The following INPP4B variants were observed in gnomAD, a reference collection of about 807,000 sequenced individuals.
INPP4B encodes inositol polyphosphate-4-phosphatase type II B, also known as inositol polyphosphate 4-phosphatase type II.
INPP4B carries 55 observed loss-of-function variants against 122.5 expected under a neutral mutation model. The observed-to-expected ratio is 0.45, with a 90% CI of 0.36 to 0.56. The LOEUF is 0.56. INPP4B is among the 20% of genes least tolerant of loss of function. The pLI, the probability that INPP4B is intolerant of heterozygous loss-of-function variation, is 0.00. For synonymous variants in INPP4B, 403 were observed against 388.7 expected (o/e 1.04, Z -0.43); for missense variants, 1,000 against 1,097.7 (o/e 0.91, Z 1.26).
intron 9 of INPP4B, among the ~76,000 whole-genome samples, chr4:142,303,801 T>G (rs1468030471): frequency 6.6e-6 from 1 of 152,128 alleles, no homozygotes; most frequent in Non-Finnish European, 1.5e-5. Context: ...AAATCAAAAG[T>G]GAAGAAATTT....
intron 1 of INPP4B, among the ~76,000 whole-genome samples, chr4:142,801,717 T>C (rs1778025079): frequency 1.3e-5 from 2 of 152,172 alleles, no homozygotes; most frequent in Admixed American, 6.5e-5. Context: ...GTGATGGATA[T>C]AGGTTATAAT....
chr4:142,512,603 T>C (rs1280251805), intron 2 of INPP4B, among the ~76,000 whole-genome samples: 1 of 152,180 alleles, frequency 6.6e-6, no homozygotes, highest in Non-Finnish European at 1.5e-5. Flanking sequence ...GATTCTTATA[T>C]CCCCACCTCC....
At position 142,444,915 on chromosome 4, in the gene INPP4B, C is replaced by T. The variant is rs114980397; in HGVS notation, c.-126-13530G>A. Among the ~76,000 whole-genome samples, 841 of 152,120 alleles carry T rather than the reference C, an allele frequency of 5.5e-3. 6 individuals are homozygous for T. Among genetic ancestry groups the T allele is most frequent in the Admixed American group, 0.012 (177 of 15,262 alleles). ...ATCATTCTCAGCAAACACACAGCCA[C>T]GAAAAACCAAACACCACATGTTCTC... is the stretch of plus-strand genomic sequence containing the variant. On this transcript the variant is annotated intron_variant, in intron 3 of 25. Transcript: ENST00000262992.
chr4:142,685,291 G>C (rs926298740), intron 2 of INPP4B, among the ~76,000 whole-genome samples: 2 of 148,152 alleles, frequency 1.3e-5, no homozygotes, highest in African/African-American at 4.8e-5. Context: ...CCATTTTATA[G>C]ATCCTCGTTG....
At chr4:142,797,692 AT>A (rs1394892532) in intron 1 of INPP4B, among the ~76,000 whole-genome samples, 5 of 152,028 alleles carry the variant, frequency 3.3e-5, no homozygotes, top group African/African-American at 1.2e-4. Context: ...ACAAAAAAAA[AT>A]GGCAATCATT....
intron 12 of INPP4B, among the ~76,000 whole-genome samples, chr4:142,229,572 GA>G (rs1853238976): frequency 6.6e-6 from 1 of 152,112 alleles, no homozygotes; most frequent in Admixed American, 6.5e-5. Context: ...CGGAAGTCCT[GA>G]AAATGCCAAT....
At chr4:142,270,969 T>C (rs141369424) in intron 9 of INPP4B, among the ~76,000 whole-genome samples, 195 bp from the exon 10 acceptor site, 32 of 152,106 alleles carry the variant, frequency 2.1e-4, no homozygotes, top group African/African-American at 7.2e-4. Flanking sequence ...GTTTTCTTTT[T>C]TCTTTTTTTT....
At chr4:142,684,582 A>G (rs1759088004) in intron 2 of INPP4B, among the ~76,000 whole-genome samples, 2 of 152,034 alleles carry the variant, frequency 1.3e-5, no homozygotes, top group African/African-American at 2.4e-5. Context: ...AAACTGAGAA[A>G]GGTCTGAGAA....
intron 5 of INPP4B, among the ~76,000 whole-genome samples, chr4:142,410,023 A>C (rs140349695): frequency 6.6e-6 from 1 of 152,194 alleles, no homozygotes; most frequent in Non-Finnish European, 1.5e-5. Flanking sequence ...TCCTGTGGCC[A>C]TTATTTCAAA....
chr4:142,735,394 T>C (rs1251551497), intron 1 of INPP4B, among the ~76,000 whole-genome samples: 1 of 152,138 alleles, frequency 6.6e-6, no homozygotes, highest in African/African-American at 2.4e-5. Context: ...ATAACATTAT[T>C]ATCATTATTG....
chr4:142,186,348 G>A (rs888539110), intron 15 of INPP4B, among the ~76,000 whole-genome samples: 4 of 152,158 alleles, frequency 2.6e-5, no homozygotes, highest in African/African-American at 9.7e-5. Flanking sequence ...GTACAGAAAG[G>A]TGTGGTAATC....
At chr4:142,771,647 G>A (rs567702367) in intron 1 of INPP4B, among the ~76,000 whole-genome samples, 1 of 152,196 alleles carries the variant, frequency 6.6e-6, no homozygotes, top group East Asian at 1.9e-4. Flanking sequence ...CTCAGGTTTG[G>A]CCTGAGCGGT....
At chr4:142,810,203 T>C (rs1024423525) in intron 1 of INPP4B, among the ~76,000 whole-genome samples, 1 of 150,394 alleles carries the variant, frequency 6.6e-6, no homozygotes, top group African/African-American at 2.5e-5. Flanking sequence ...TGTAAAGCAA[T>C]GTGAATGTAC....
At chr4:142,665,722 C>T (rs1755921921) in intron 2 of INPP4B, among the ~76,000 whole-genome samples, 2 of 151,852 alleles carry the variant, frequency 1.3e-5, no homozygotes, top group Admixed American at 1.3e-4. Context: ...ATAAAAAATT[C>T]AGATTTTATT....
chr4:142,208,628 G>T (rs1406959434), intron 13 of INPP4B, 99 bp from the exon 14 acceptor site: 3 of 639,340 alleles, frequency 4.7e-6, no homozygotes, highest in Non-Finnish European at 5.0e-6. Context: ...AATAACTTCA[G>T]AAAGAAAAAC....
At chr4:142,048,571 C>T (rs772766985) in intron 25 of INPP4B, among the ~76,000 whole-genome samples, 1 of 151,752 alleles carries the variant, frequency 6.6e-6, no homozygotes, top group Non-Finnish European at 1.5e-5. Flanking sequence ...TTGTGTGTTA[C>T]ATGTTTGCTA....
chr4:142,043,499 A>AT (rs1749446722), intron 25 of INPP4B, among the ~76,000 whole-genome samples: 1 of 152,098 alleles, frequency 6.6e-6, no homozygotes, highest in African/African-American at 2.4e-5. Context: ...TGAAGGCCGG[A>AT]TAGGGTTTCA....
intron 2 of INPP4B, among the ~76,000 whole-genome samples, chr4:142,695,177 C>A (rs1760851151): frequency 6.6e-6 from 1 of 151,912 alleles, no homozygotes; most frequent in Admixed American, 6.6e-5. Flanking sequence ...AATAAGTTCC[C>A]TTATGGAGAC....
chr4:142,823,564 T>C (rs569811072), intron 1 of INPP4B, among the ~76,000 whole-genome samples: 74 of 152,272 alleles, frequency 4.9e-4, no homozygotes, highest in Middle Eastern at 3.4e-3. Context: ...ACATAAATGA[T>C]GAAGATTCAT....
Sources: gnomAD v4.1 joint callset for allele counts (sites outside exome capture counted in the v4.1 genomes callset) on GRCh38, gnomAD v4.1.1 for gene constraint, MANE v1.5 for transcripts, NCBI Gene and HGNC (gene_info 2026-07-23, HGNC 2026-07-21) for gene names.